B3GALT1: variants seen among roughly 807,000 people sequenced by gnomAD.
B3GALT1 encodes beta-1,3-galactosyltransferase 1.
In B3GALT1, 10 loss-of-function variants were observed where a neutral mutation model predicts 23.2. That is an observed-to-expected ratio of 0.43 (90% confidence interval 0.27 to 0.73). B3GALT1 has a LOEUF of 0.73. Among genes scored for constraint, B3GALT1 ranks in the 30% least tolerant of loss-of-function variants. The pLI is 0.21. For missense variants in B3GALT1, 299 were observed against 405.4 expected, an observed-to-expected ratio of 0.74 and a Z score of 2.25; for synonymous variants, 156 against 141.5, an observed-to-expected ratio of 1.10 and a Z score of -0.73.
chr2:167,668,237 G>A (rs1686245916), intron 3 of B3GALT1, among the ~76,000 whole-genome samples: 1 of 151,988 alleles, frequency 6.6e-6, no homozygotes, highest in Admixed American at 6.5e-5. Flanking sequence ...GCCCCTGCTG[G>A]AGGGTGCCTC....
chr2:167,787,792 G>A (rs965870881), intron 3 of B3GALT1, among the ~76,000 whole-genome samples: 1 of 152,204 alleles, frequency 6.6e-6, no homozygotes, highest in Admixed American at 6.5e-5. Context: ...CAAAGGTCAG[G>A]AGCAGAGAGG....
At chr2:167,813,935 G>C (rs1008826919) in intron 3 of B3GALT1, among the ~76,000 whole-genome samples, 1 of 152,040 alleles carries the variant, frequency 6.6e-6, no homozygotes, top group African/African-American at 2.4e-5. Flanking sequence ...AAATTCTTTG[G>C]TTGAATTCTT....
intron 2 of B3GALT1, among the ~76,000 whole-genome samples, chr2:167,501,136 G>T (rs1057046028): frequency 6.6e-6 from 1 of 151,964 alleles, no homozygotes; most frequent in Non-Finnish European, 1.5e-5. Context: ...TTAACTAACC[G>T]TATAAGATGT....
intron 4 of B3GALT1, among the ~76,000 whole-genome samples, chr2:167,864,552 A>C (rs1175197799): frequency 1.3e-5 from 2 of 152,214 alleles, no homozygotes; most frequent in East Asian, 3.9e-4. Flanking sequence ...TGACAGAGTG[A>C]GACCCTGTAT....
chr2:167,367,998 C>T (rs913782588), intron 1 of B3GALT1, among the ~76,000 whole-genome samples: 1 of 152,218 alleles, frequency 6.6e-6, no homozygotes, highest in Non-Finnish European at 1.5e-5. Context: ...TCAGTTGGCA[C>T]TAAACTGTAG....
chr2:167,307,705 T>C (rs1406433487), intron 1 of B3GALT1, among the ~76,000 whole-genome samples: 1 of 151,996 alleles, frequency 6.6e-6, no homozygotes, highest in Non-Finnish European at 1.5e-5. Flanking sequence ...GTGCTGAGCC[T>C]CTTTCTTTTT....
chr2:167,710,744 G>A (rs1004214827), intron 3 of B3GALT1, among the ~76,000 whole-genome samples: 2 of 152,082 alleles, frequency 1.3e-5, no homozygotes, highest in Admixed American at 6.6e-5. Flanking sequence ...ATCATCCTTG[G>A]TTCCTCTTTT....
intron 2 of B3GALT1, among the ~76,000 whole-genome samples, chr2:167,575,738 G>A (rs1684370467): frequency 6.6e-6 from 1 of 151,728 alleles, no homozygotes; most frequent in South Asian, 2.1e-4. Context: ...GCAATCTGTA[G>A]GCTTACTCAG....
At chr2:167,385,675 A>C (rs1697919094) in intron 1 of B3GALT1, among the ~76,000 whole-genome samples, 1 of 152,196 alleles carries the variant, frequency 6.6e-6, no homozygotes, top group Non-Finnish European at 1.5e-5. Context: ...GGAAATAACA[A>C]AATTGGGACT....
intron 2 of B3GALT1, among the ~76,000 whole-genome samples, chr2:167,599,904 A>G (rs1397016117): frequency 6.6e-6 from 1 of 152,210 alleles, no homozygotes; most frequent in African/African-American, 2.4e-5. Flanking sequence ...GATTAATCAT[A>G]GATATGGAAA....
intron 1 of B3GALT1, among the ~76,000 whole-genome samples, chr2:167,410,703 A>G (rs996032522): frequency 3.9e-5 from 6 of 152,092 alleles, no homozygotes; most frequent in African/African-American, 9.7e-5. Flanking sequence ...TACCTATGTA[A>G]CAAGCCTGCA....
chr2:167,746,037 G>A lies in B3GALT1; in HGVS notation c.-351-72635G>A, dbSNP rs533613135. Among the ~76,000 whole-genome samples, 5 of 152,200 alleles carry A rather than the reference G, an allele frequency of 3.3e-5. No individual in the cohort carries two copies. The South Asian group carries it at 8.3e-4, about 25-fold the overall frequency. On this transcript the variant is annotated intron_variant, in intron 3 of 4. Coordinates refer to ENST00000392690, the MANE Select transcript of B3GALT1 (RefSeq NM_020981.4). ...TCTTCACCTTTGTCTAATCTCCTGA[G>A]TCAGATGAATTGTTGTGGTTAGAAA...
At chr2:167,589,318 A>G (rs1684635182) in intron 2 of B3GALT1, among the ~76,000 whole-genome samples, 1 of 152,096 alleles carries the variant, frequency 6.6e-6, no homozygotes, top group Non-Finnish European at 1.5e-5. Flanking sequence ...GACATGTAGA[A>G]GTTGAATTTT....
chr2:167,468,517 A>G (rs1248800243), intron 1 of B3GALT1, among the ~76,000 whole-genome samples: 1 of 152,232 alleles, frequency 6.6e-6, no homozygotes, highest in African/African-American at 2.4e-5. Flanking sequence ...AAAAACACTC[A>G]AACTTGTAAT....
At chr2:167,299,954 G>C (rs1696419216) in intron 1 of B3GALT1, among the ~76,000 whole-genome samples, 1 of 151,980 alleles carries the variant, frequency 6.6e-6, no homozygotes, top group Non-Finnish European at 1.5e-5. Context: ...CCAGGCTGGA[G>C]TGCAGTGGTG....
chr2:167,753,100 G>T (rs1687764458), intron 3 of B3GALT1, among the ~76,000 whole-genome samples: 1 of 152,208 alleles, frequency 6.6e-6, no homozygotes. Context: ...CATTGCACTG[G>T]AGAGAGGGGC....
intron 1 of B3GALT1, among the ~76,000 whole-genome samples, chr2:167,471,755 A>G (rs1298380572): frequency 6.6e-6 from 1 of 152,204 alleles, no homozygotes; most frequent in Admixed American, 6.5e-5. Flanking sequence ...ATATTCCTTT[A>G]AAGTAGGAGT....
chr2:167,635,267 G>A lies in B3GALT1; in HGVS notation c.-409-11642G>A, dbSNP rs1347077918. On this transcript the variant is annotated intron_variant, in intron 2 of 4. Transcript: ENST00000392690. Reference sequence around the variant, plus strand: ...CATACTGAATGCGCAAAAGCTGGAAGCATCCCCTTTGAAAACCGGCACAAG... The same window carrying A: ...CATACTGAATGCGCAAAAGCTGGAAACATCCCCTTTGAAAACCGGCACAAG... 5.9e-5 allele frequency among the ~76,000 whole-genome samples: 9 copies of A among 152,270 alleles called. No individual in the cohort carries two copies. In the South Asian group the frequency reaches 6.2e-4, roughly 11 times the overall value.
intron 3 of B3GALT1, among the ~76,000 whole-genome samples, chr2:167,647,823 T>G (rs1183758228): frequency 6.6e-6 from 1 of 152,142 alleles, no homozygotes; most frequent in Non-Finnish European, 1.5e-5. Flanking sequence ...TGTATGTATT[T>G]ATGGGGTACA....
Sources: allele counts gnomAD v4.1 joint callset (sites outside exome capture counted in the v4.1 genomes callset), GRCh38; gene constraint gnomAD v4.1.1; transcripts MANE v1.5; gene names NCBI Gene and HGNC (gene_info 2026-07-23, HGNC 2026-07-21).